UGT2B17: variants seen among roughly 807,000 people sequenced by gnomAD.
UGT2B17 encodes UDP glucuronosyltransferase family 2 member B17.
In UGT2B17, 21 loss-of-function variants were observed where a neutral mutation model predicts 48.2. The observed-to-expected ratio is 0.44, with a 90% CI of 0.31 to 0.63. UGT2B17 has a LOEUF of 0.63. UGT2B17 is among the 20% of genes least tolerant of loss of function. The pLI, the probability that UGT2B17 is intolerant of heterozygous loss-of-function variation, is 0.08. For missense variants in UGT2B17, 402 were observed against 696.1 expected (o/e 0.58, Z 4.75); for synonymous variants, 146 against 238.4 (o/e 0.61, Z 3.57).
At chr4:68,551,713 T>G (rs1730916613) in intron 5 of UGT2B17, 111 bp downstream of exon 5, 1 of 779,602 alleles carries the variant, frequency 1.3e-6, no homozygotes, top group Non-Finnish European at 1.8e-6. Context: ...AATTTGATTT[T>G]TTTTTAGTTT....
At position 68,561,627 on chromosome 4, in the gene UGT2B17, C is replaced by T. The variant is rs1242085774; in HGVS notation, c.874-959G>A. ...CCTTTCTCCAGTGGAGATCTGCTCA[C>T]CCCCTAGAGTAGCTCCCTCACACTA... On this transcript the variant is annotated intron_variant, in intron 3 of 6. Coordinates refer to ENST00000317746, the MANE Select transcript of UGT2B17 (RefSeq NM_001077.4). 7.6e-5 allele frequency among the ~76,000 whole-genome samples: 9 copies of T among 118,570 alleles called. 3 individuals carry two copies. Among genetic ancestry groups the T allele is most frequent in the Admixed American group, 5.2e-4 (6 of 11,592 alleles). The allele number at this position is 118,570 out of a possible 152,430, so 77.8% of individuals were successfully genotyped here.
At position 68,541,910 on chromosome 4, in the gene UGT2B17, C is replaced by T. The variant is rs1246681113; in HGVS notation, c.1314-4006G>A. ...CATTTATTAAATAGGGAATCCTTTC[C>T]CATTGCTTGTTTTTGTCAGTTTTGT... On this transcript the variant is annotated intron_variant, in intron 6 of 6. Coordinates refer to ENST00000317746, the MANE Select transcript of UGT2B17 (RefSeq NM_001077.4). 2.4e-5 allele frequency among the ~76,000 whole-genome samples: 3 copies of T among 126,360 alleles called. 1 individual carries two copies. Among genetic ancestry groups the T allele is most frequent in the African/African-American group, 8.1e-5 (3 of 36,892 alleles). The allele number at this position is 126,360 out of a possible 152,430, so 82.9% of individuals were successfully genotyped here.
At position 68,567,754 on chromosome 4, in the gene UGT2B17, G is replaced by T; in HGVS notation, c.724+7C>A. The T allele has an allele frequency of 2.3e-6, 3 of 1,308,824 alleles. No individual in the cohort carries two copies. Among genetic ancestry groups the T allele is most frequent in the South Asian group, 4.2e-5 (2 of 47,922 alleles). The allele number at this position is 1,308,824 out of a possible 1,614,324, so 81.1% of individuals were successfully genotyped here. A position where few individuals can be genotyped will look rare whatever the true frequency, so the allele number is the denominator to read the frequency against. On this transcript the variant is annotated splice_region_variant and intron_variant, in intron 2 of 6. Transcript: ENST00000317746. ...CTTAATAAACACCAATTGGACACAC[G>T]ACTTACCTAGAACTTCACTATAAAA...
At chr4:68,552,951 G>A (rs1238276080) in intron 4 of UGT2B17, among the ~76,000 whole-genome samples, 1 of 124,942 alleles carries the variant, frequency 8.0e-6, no homozygotes, top group Non-Finnish European at 1.7e-5. Flanking sequence ...ACTCCCAGGA[G>A]GGAGGATAAA....
At chr4:68,545,083 A>G (rs1730770656) in intron 6 of UGT2B17, among the ~76,000 whole-genome samples, 1 of 126,248 alleles carries the variant, frequency 7.9e-6, no homozygotes. Context: ...CCTAATAGAC[A>G]TCTACAGAAC....
chr4:68,544,017 C>T lies in UGT2B17; in HGVS notation c.1314-6113G>A, dbSNP rs1466043075. ...AGTTGGAAAACACTCTGCAGGTTAT[C>T]ATCCAGGAGAGCTTCCCCAATCTAG... On this transcript the variant is annotated intron_variant, in intron 6 of 6. Coordinates refer to ENST00000317746, the MANE Select transcript of UGT2B17 (RefSeq NM_001077.4). 3.2e-5 allele frequency among the ~76,000 whole-genome samples: 4 copies of T among 126,346 alleles called. 2 individuals carry two copies. The highest frequency in any genetic ancestry group is 1.5e-3 in the East Asian group (2 of 1,316). The allele number at this position is 126,346 out of a possible 152,430, so 82.9% of individuals were successfully genotyped here.
rs1445555918 is a variant in UGT2B17, at chr4:68,544,774, A to G, written c.1313+5903T>C. Among the ~76,000 whole-genome samples, 105 of 125,734 alleles carry G rather than the reference A, an allele frequency of 8.4e-4. 26 individuals are homozygous for G. The highest frequency in any genetic ancestry group is 7.2e-3 in the Admixed American group (88 of 12,200). The allele number at this position is 125,734 out of a possible 152,430, so 82.5% of individuals were successfully genotyped here. A position where few individuals can be genotyped will look rare whatever the true frequency, so the allele number is the denominator to read the frequency against. On this transcript the variant is annotated intron_variant, in intron 6 of 6. Coordinates refer to ENST00000317746, the MANE Select transcript of UGT2B17 (RefSeq NM_001077.4). ...GATCTACCAAGCAAATGGAAAGCAA[A>G]AAAAGGCAGGGATTACAATCCTAGT...
rs1176865628 is a variant in UGT2B17 at position 68,550,668 on chromosome 4, A to G, written c.1313+9T>C. On this transcript the variant is annotated intron_variant, in intron 6 of 6. Coordinates refer to ENST00000317746, the MANE Select transcript of UGT2B17 (RefSeq NM_001077.4). ...AAGTACCACCTGGTCACAAAATTGT[A>G]ATACTCACATAGGGTCATTAATGAC... 4 of 1,363,494 alleles carry G rather than the reference A, an allele frequency of 2.9e-6. 1 individual carries two copies. The highest frequency in any genetic ancestry group is 1.5e-5 in the African/African-American group (1 of 67,770). 84.5% of individuals were successfully genotyped at this position (1,363,494 alleles called of 1,614,324 possible). A position where few individuals can be genotyped will look rare whatever the true frequency, so the allele number is the denominator to read the frequency against.
At position 68,561,576 on chromosome 4, in the gene UGT2B17, G is replaced by T. The variant is rs1731104047; in HGVS notation, c.874-908C>A. Among the ~76,000 whole-genome samples, 2 of 123,470 alleles carry T rather than the reference G, an allele frequency of 1.6e-5. 1 individual carries two copies. The highest frequency in any genetic ancestry group is 1.7e-4 in the Admixed American group (2 of 11,880). The allele number at this position is 123,470 out of a possible 152,430, so 81.0% of individuals were successfully genotyped here. A position where few individuals can be genotyped will look rare whatever the true frequency, so the allele number is the denominator to read the frequency against. ...TTGCTGTGTCTCACAGGGGGCACTTGAACCACAGTGGGAGAGGTCACCAAG... is the reference window on the plus strand; with the variant it reads ...TTGCTGTGTCTCACAGGGGGCACTTTAACCACAGTGGGAGAGGTCACCAAG... On this transcript the variant is annotated intron_variant, in intron 3 of 6. Transcript: ENST00000317746.
intron 1 of UGT2B17, 86 bp from the exon 2 acceptor site, chr4:68,568,634 A>G: frequency 1.1e-6 from 1 of 896,372 alleles, no homozygotes; most frequent in Non-Finnish European, 1.4e-6. Context: ...GTGTTCTTTT[A>G]TATTTACAAT....
In UGT2B17 at chr4:68,537,797, G is replaced by T. The variant is rs148336920; in HGVS notation, c.1421C>A (p.Ala474Asp). ...WIEFVMRHKG[A>D]KHLRVAAHNL... ...GTGGGCTGCGACCCGAAGGTGCTTG[G>T]CTCCTTTATGGCGCATGACAAACTC... is the stretch of plus-strand genomic sequence containing the variant. The change falls in exon 7 of 7, where the codon GCC (alanine) becomes GAC (aspartate). Residue 474 changes from alanine to aspartate, a missense_variant. By Grantham distance (126) the Ala-to-Asp change is moderately radical (BLOSUM62 -2). Transcript: ENST00000317746. 8.1e-5 allele frequency: 112 copies of T among 1,379,546 alleles called. 26 individuals are homozygous for T. The highest frequency in any genetic ancestry group is 9.9e-5 in the Non-Finnish European group (104 of 1,055,052). The allele number at this position is 1,379,546 out of a possible 1,614,324, so 85.5% of individuals were successfully genotyped here. A position where few individuals can be genotyped will look rare whatever the true frequency, so the allele number is the denominator to read the frequency against.
At position 68,569,867 on chromosome 4, in the gene UGT2B17, A is replaced by C. The variant is rs1371435144; in HGVS notation, c.-64-1319T>G. On this transcript the variant is annotated intron_variant, in intron 1 of 6. Transcript: ENST00000317746. ...CCCACCTGCACCCAGGCACTCATTA[A>C]AACAGCACGCTGCTCCGCACTGCCT... 1.6e-5 allele frequency among the ~76,000 whole-genome samples: 2 copies of C among 126,374 alleles called. 1 individual carries two copies. Among genetic ancestry groups the C allele is most frequent in the African/African-American group, 5.4e-5 (2 of 36,934 alleles). The allele number at this position is 126,374 out of a possible 152,430, so 82.9% of individuals were successfully genotyped here.
rs530424631 is a variant in UGT2B17, at chr4:68,573,361, C to A, written c.-65+2590G>T. ...GGTCAGGTAGCCTCAGGGCTGGGGCCGACATGAGTTTTTTTTTTTTTTTTA... is the reference window on the plus strand; with the variant it reads ...GGTCAGGTAGCCTCAGGGCTGGGGCAGACATGAGTTTTTTTTTTTTTTTTA... On this transcript the variant is annotated intron_variant, in intron 1 of 6. Coordinates refer to ENST00000317746, the MANE Select transcript of UGT2B17 (RefSeq NM_001077.4). 1.6e-4 allele frequency among the ~76,000 whole-genome samples: 20 copies of A among 122,158 alleles called. 7 individuals carry two copies. Among genetic ancestry groups the A allele is most frequent in the Admixed American group, 4.9e-4 (6 of 12,162 alleles). The allele number at this position is 122,158 out of a possible 152,430, so 80.1% of individuals were successfully genotyped here. A position where few individuals can be genotyped will look rare whatever the true frequency, so the allele number is the denominator to read the frequency against.
At position 68,559,670 on chromosome 4, in the gene UGT2B17, A is replaced by T. The variant is rs1263964998; in HGVS notation, c.1005+867T>A. On this transcript the variant is annotated intron_variant, in intron 4 of 6. Coordinates refer to ENST00000317746, the MANE Select transcript of UGT2B17 (RefSeq NM_001077.4). ...TATGCAGATAAGAAAGTAAAACGTA[A>T]ATTGAAAATACACAAAGATTGTAGG... Among the ~76,000 whole-genome samples, 2 of 126,236 alleles carry T rather than the reference A, an allele frequency of 1.6e-5. 1 individual carries two copies. The highest frequency in any genetic ancestry group is 3.4e-5 in the Non-Finnish European group (2 of 59,638). 82.8% of individuals were successfully genotyped at this position (126,236 alleles called of 152,430 possible).
At position 68,567,741 on chromosome 4, in the gene UGT2B17, C is replaced by A; in HGVS notation, c.724+20G>T. 2 of 1,287,650 alleles carry A rather than the reference C, an allele frequency of 1.6e-6. 1 individual carries two copies. Among genetic ancestry groups the A allele is most frequent in the South Asian group, 4.5e-5 (2 of 44,926 alleles). 79.8% of individuals were successfully genotyped at this position (1,287,650 alleles called of 1,614,324 possible). A position where few individuals can be genotyped will look rare whatever the true frequency, so the allele number is the denominator to read the frequency against. The stretch of plus-strand genomic sequence containing the variant: ...AGGAAAATTAGAACTTAATAAACAC[C>A]AATTGGACACACGACTTACCTAGAA... On this transcript the variant is annotated intron_variant, in intron 2 of 6. Coordinates refer to ENST00000317746, the MANE Select transcript of UGT2B17 (RefSeq NM_001077.4).
Position 68,550,802 on chromosome 4 carries a change from C to T in UGT2B17, c.1188G>A (p.Leu396=). 5.8e-6 allele frequency: 8 copies of T among 1,386,770 alleles called. 3 individuals carry two copies. The highest frequency in any genetic ancestry group is 7.5e-6 in the Non-Finnish European group (8 of 1,062,168). The allele number at this position is 1,386,770 out of a possible 1,614,324, so 85.9% of individuals were successfully genotyped here. The change falls in exon 6 of 7, where the codon TTG becomes TTA. Residue 396 remains leucine, a synonymous_variant. Transcript: ENST00000317746. ...YHGIPMVGIP[L]FADQHDNIAH... ...CAATGTTATCATGTTGATCCGCAAA[C>T]AAGGGAATGCCCACCATAGGGATCC...
chr4:68,555,646 A>G lies in UGT2B17; in HGVS notation c.1006-3735T>C. On this transcript the variant is annotated intron_variant, in intron 4 of 6. Coordinates refer to ENST00000317746, the MANE Select transcript of UGT2B17 (RefSeq NM_001077.4). The stretch of plus-strand genomic sequence containing the variant: ...TTTTCACAAATATTCTAGGTAAATG[A>G]CTAAATAATTAGGTAAATGTAATGG... Among the ~76,000 whole-genome samples, 2 of 125,778 alleles carry G rather than the reference A, an allele frequency of 1.6e-5. 1 individual carries two copies. The highest frequency in any genetic ancestry group is 7.4e-3 in the Middle Eastern group (2 of 270). The allele number at this position is 125,778 out of a possible 152,430, so 82.5% of individuals were successfully genotyped here. A position where few individuals can be genotyped will look rare whatever the true frequency, so the allele number is the denominator to read the frequency against.
chr4:68,537,490 T>A lies in UGT2B17; in HGVS notation c.*135A>T. ...ACATATTAAATTCCTGGAAAATAAA[T>A]TTTGACTTAACAGGGTAAGTTGTGA... is the stretch of plus-strand genomic sequence containing the variant. On this transcript the variant is annotated 3_prime_UTR_variant, in exon 7 of 7. Transcript: ENST00000317746. 1 of 766,330 alleles carries A rather than the reference T, an allele frequency of 1.3e-6. No individual in the cohort carries two copies. Among genetic ancestry groups the A allele is most frequent in the Non-Finnish European group, 1.7e-6 (1 of 574,580 alleles). 47.5% of individuals were successfully genotyped at this position (766,330 alleles called of 1,614,324 possible).
In UGT2B17 at chr4:68,554,581, T is replaced by C. The variant is rs1286040486; in HGVS notation, c.1006-2670A>G. 2.3e-4 allele frequency among the ~76,000 whole-genome samples: 29 copies of C among 125,846 alleles called. 6 individuals are homozygous for C. The highest frequency in any genetic ancestry group is 7.6e-4 in the African/African-American group (28 of 37,036). 82.6% of individuals were successfully genotyped at this position (125,846 alleles called of 152,430 possible). ...CTAAATTTCTGAAGTAAAAACCACA[T>C]AATCTTTTGTGTGTGTGTAAGTGTT... is the stretch of plus-strand genomic sequence containing the variant. On this transcript the variant is annotated intron_variant, in intron 4 of 6. Coordinates refer to ENST00000317746, the MANE Select transcript of UGT2B17 (RefSeq NM_001077.4).
Sources: gnomAD v4.1 joint callset for allele counts (sites outside exome capture counted in the v4.1 genomes callset) on GRCh38, gnomAD v4.1.1 for gene constraint, MANE v1.5 for transcripts, NCBI Gene and HGNC (gene_info 2026-07-23, HGNC 2026-07-21) for gene names.